Variants in PARD3 observed in about 807,000 individuals in gnomAD.
PARD3 encodes the protein partitioning defective 3 homolog.
In PARD3, 75 loss-of-function variants were observed where a neutral mutation model predicts 155.4. The ratio of observed to expected loss-of-function variants is 0.48; its 90% CI spans 0.40 to 0.58. The LOEUF is 0.58. PARD3 is among the 20% of genes least tolerant of loss of function. PARD3 has a pLI of 0.00. For synonymous variants in PARD3, 576 were observed against 610.5 expected (o/e 0.94, Z 0.83); for missense variants, 1,642 against 1,721.7 (o/e 0.95, Z 0.82).
At chr10:34,479,102 G>C (rs927168375) in intron 3 of PARD3, among the ~76,000 whole-genome samples, 7 of 151,856 alleles carry the variant, frequency 4.6e-5, no homozygotes, top group Non-Finnish European at 7.4e-5. Flanking sequence ...TCATTGAAAT[G>C]AATCTCTCTG....
At chr10:34,500,561 G>A (rs1429264640) in intron 3 of PARD3, among the ~76,000 whole-genome samples, 3 of 152,078 alleles carry the variant, frequency 2.0e-5, no homozygotes, top group Non-Finnish European at 4.4e-5. Context: ...GGCCAACATG[G>A]TGAAACCTCA....
At chr10:34,743,188 A>G (rs2095049866) in intron 1 of PARD3, among the ~76,000 whole-genome samples, 1 of 152,222 alleles carries the variant, frequency 6.6e-6, no homozygotes, top group Admixed American at 6.5e-5. Flanking sequence ...GTCCACAGAA[A>G]GAACCAAAGG....
At chr10:34,523,577 A>G (rs1252424294) in intron 2 of PARD3, among the ~76,000 whole-genome samples, 1 of 152,168 alleles carries the variant, frequency 6.6e-6, no homozygotes, top group Non-Finnish European at 1.5e-5. Context: ...GTCAAGCCAG[A>G]TCCAGCGGCT....
At chr10:34,168,453 G>C (rs1007655932) in intron 22 of PARD3, among the ~76,000 whole-genome samples, 1 of 152,146 alleles carries the variant, frequency 6.6e-6, no homozygotes, top group Non-Finnish European at 1.5e-5. Flanking sequence ...ATGCCAACAT[G>C]TCTTGCCAAA....
intron 2 of PARD3, among the ~76,000 whole-genome samples, chr10:34,591,960 G>C (rs1419924267): frequency 1.3e-5 from 2 of 152,152 alleles, no homozygotes; most frequent in Non-Finnish European, 2.9e-5. Context: ...AGCCACAAGG[G>C]AGATTAGCAA....
chr10:34,153,824 T>C (rs1170199187), intron 22 of PARD3, among the ~76,000 whole-genome samples: 3 of 152,210 alleles, frequency 2.0e-5, no homozygotes, highest in African/African-American at 4.8e-5. Flanking sequence ...GTGTAACTCA[T>C]ACCAAATGAT....
At chr10:34,607,314 A>T (rs2090545473) in intron 2 of PARD3, among the ~76,000 whole-genome samples, 1 of 152,232 alleles carries the variant, frequency 6.6e-6, no homozygotes, top group African/African-American at 2.4e-5. Context: ...ATATGCTAAA[A>T]AATGCAGTAT....
intron 2 of PARD3, among the ~76,000 whole-genome samples, chr10:34,542,008 C>T (rs2083641749): frequency 6.6e-6 from 1 of 152,072 alleles, no homozygotes; most frequent in Admixed American, 6.5e-5. Context: ...TCCCGAGTAG[C>T]TGAGACACAG....
In PARD3 at chr10:34,172,640, T is replaced by G. The variant is rs554732517; in HGVS notation, c.3420-41057A>C. 6.6e-5 allele frequency among the ~76,000 whole-genome samples: 10 copies of G among 152,060 alleles called. No individual in the cohort carries two copies. In the East Asian group the frequency reaches 1.2e-3, roughly 18 times the overall value. On this transcript the variant is annotated intron_variant, in intron 22 of 24. Coordinates refer to ENST00000374788, the MANE Select transcript of PARD3 (RefSeq NM_001184785.2). ...GAGTAGCAAGGACTCAGATCCCCCA[T>G]GCTGTATGTCACAACTCACTGCACA...
intron 20 of PARD3, among the ~76,000 whole-genome samples, chr10:34,312,836 T>C (rs542742801): frequency 1.4e-4 from 22 of 152,292 alleles, no homozygotes; most frequent in African/African-American, 5.3e-4. Flanking sequence ...GTACATACAA[T>C]TCTATGATAT....
intron 22 of PARD3, among the ~76,000 whole-genome samples, chr10:34,247,556 T>C (rs544512323): frequency 2.6e-5 from 4 of 152,132 alleles, no homozygotes; most frequent in African/African-American, 4.8e-5. Context: ...ACAGTGATGA[T>C]AGAATCAGAG....
chr10:34,765,773 C>T lies in PARD3; in HGVS notation c.120+49103G>A, dbSNP rs571738951. 7.9e-4 allele frequency among the ~76,000 whole-genome samples: 121 copies of T among 152,246 alleles called. 2 individuals carry two copies. In the South Asian group the frequency reaches 0.024, roughly 31 times the overall value. The stretch of plus-strand genomic sequence containing the variant: ...TCTCAGAGGAGAAGGAAGAAGAGAC[C>T]TTAATGGTAGTATTAAAGTGGCTAA... On this transcript the variant is annotated intron_variant, in intron 1 of 24. Transcript: ENST00000374788.
intron 11 of PARD3, among the ~76,000 whole-genome samples, chr10:34,373,193 T>C (rs1840872525): frequency 6.6e-6 from 1 of 152,106 alleles, no homozygotes; most frequent in African/African-American, 2.4e-5. Flanking sequence ...ATTTTCAGGA[T>C]TTTATTCTCT....
At chr10:34,725,700 C>T (rs1343647286) in intron 1 of PARD3, among the ~76,000 whole-genome samples, 1 of 152,086 alleles carries the variant, frequency 6.6e-6, no homozygotes, top group Non-Finnish European at 1.5e-5. Context: ...CACCTGCGAG[C>T]TTTACTAACT....
At chr10:34,756,738 C>T (rs149623977) in intron 1 of PARD3, among the ~76,000 whole-genome samples, 2 of 152,244 alleles carry the variant, frequency 1.3e-5, no homozygotes, top group African/African-American at 2.4e-5. Context: ...CAGGTGTGAG[C>T]CACTACACAT....
intron 2 of PARD3, among the ~76,000 whole-genome samples, chr10:34,605,971 CTATATCTCCTATATATA>C (rs199895756): frequency 0.98 from 52,883 of 54,108 alleles, 26,016 homozygotes; most frequent in Non-Finnish European, 0.99. Flanking sequence ...TCTCCTATAT[CTATATCTCCTATATATA>C]TATATCTCCT....
intron 20 of PARD3, among the ~76,000 whole-genome samples, chr10:34,289,331 A>C (rs1006323378): frequency 3.3e-5 from 5 of 152,076 alleles, no homozygotes; most frequent in African/African-American, 1.2e-4. Context: ...CTAGGACTAC[A>C]GTCGTGCGCC....
chr10:34,669,493 A>G (rs1433385937), intron 2 of PARD3, among the ~76,000 whole-genome samples: 2 of 152,186 alleles, frequency 1.3e-5, no homozygotes, highest in Non-Finnish European at 2.9e-5. Flanking sequence ...CTTAATGGGT[A>G]CAGCAACATA....
intron 22 of PARD3, among the ~76,000 whole-genome samples, chr10:34,184,722 A>G (rs1950412857): frequency 6.9e-6 from 1 of 145,064 alleles, no homozygotes; most frequent in African/African-American, 2.5e-5. Context: ...TTTTCCCTCA[A>G]GGAGCTATTT....
Sources: allele counts gnomAD v4.1 joint callset (sites outside exome capture counted in the v4.1 genomes callset), GRCh38; gene constraint gnomAD v4.1.1; transcripts MANE v1.5; gene names NCBI Gene and HGNC (gene_info 2026-07-23, HGNC 2026-07-21).